The following ARHGEF4 variants were observed in gnomAD, a reference collection of about 807,000 sequenced individuals.
The protein encoded by ARHGEF4 is Rho guanine nucleotide exchange factor 4.
ARHGEF4 carries 119 observed loss-of-function variants against 162.0 expected under a neutral mutation model. That is an observed-to-expected ratio of 0.73 (90% confidence interval 0.63 to 0.86). ARHGEF4 has a LOEUF of 0.86. Ranked by LOEUF, ARHGEF4 falls within the 40% of genes least tolerant of loss-of-function variation. ARHGEF4 has a pLI of 0.00. For missense variants in ARHGEF4, 2,488 were observed against 2,456.0 expected, an observed-to-expected ratio of 1.01 and a Z score of -0.28; for synonymous variants, 1,014 against 979.9, an observed-to-expected ratio of 1.03 and a Z score of -0.65.
Position 130,914,491 on chromosome 2 carries a change from G to A in ARHGEF4, c.545G>A (p.Gly182Glu). ...SLLAGVPRHTGCCLQRATDSS... is the reference protein window; with the variant it reads ...SLLAGVPRHTECCLQRATDSS... ...CTGGCAGGGGTTCCCCGACACACAG[G>A]GTGCTGCTTACAGAGGGCCACAGAC... The change falls in exon 2 of 14, where the codon GGG becomes GAG. Residue 182 changes from glycine to glutamate, a missense_variant. Transcript: ENST00000409359. 5.6e-6 allele frequency: 8 copies of A among 1,432,500 alleles called. No homozygotes were observed. Among genetic ancestry groups the A allele is most frequent in the Non-Finnish European group, 7.3e-6 (8 of 1,099,150 alleles). The allele number at this position is 1,432,500 out of a possible 1,614,324, so 88.7% of individuals were successfully genotyped here.
intron 1 of ARHGEF4, among the ~76,000 whole-genome samples, chr2:130,903,040 A>G (rs945867123): frequency 2.0e-5 from 3 of 151,106 alleles, no homozygotes; most frequent in African/African-American, 7.3e-5. Context: ...TTTAGAACTC[A>G]TTCATCGAGG....
intron 6 of ARHGEF4, chr2:131,039,312 C>CACCCCTCT: frequency 2.4e-6 from 3 of 1,236,186 alleles, no homozygotes; most frequent in Non-Finnish European, 3.0e-6. Context: ...CAACTCCAGG[C>CACCCCTCT]GCTAGACATT....
intron 4 of ARHGEF4, among the ~76,000 whole-genome samples, chr2:130,975,525 C>A (rs1406701716): frequency 6.6e-6 from 1 of 152,130 alleles, no homozygotes; most frequent in African/African-American, 2.4e-5. Flanking sequence ...TTATTCAGAC[C>A]CAGCCCATCT....
chr2:130,933,214 CAA>C (rs34411956), intron 3 of ARHGEF4, among the ~76,000 whole-genome samples: 82,558 of 136,508 alleles, frequency 0.6, 27,164 homozygotes, highest in East Asian at 0.84. Context: ...GACCCTGTCT[CAA>C]AAAAAAAAAA....
chr2:130,998,958 C>T (rs13409247), intron 4 of ARHGEF4, among the ~76,000 whole-genome samples: 11,842 of 152,226 alleles, frequency 0.078, 556 homozygotes, highest in African/African-American at 0.12. Context: ...CCTGTTGTTC[C>T]ACATCCTCAT....
chr2:130,982,455 C>T (rs1686181162), intron 4 of ARHGEF4, among the ~76,000 whole-genome samples: 1 of 152,108 alleles, frequency 6.6e-6, no homozygotes, highest in Non-Finnish European at 1.5e-5. Flanking sequence ...TGAAGATAGA[C>T]ACACAGAGAA....
At chr2:130,986,912 G>C (rs939356998) in intron 4 of ARHGEF4, among the ~76,000 whole-genome samples, 1 of 152,198 alleles carries the variant, frequency 6.6e-6, no homozygotes, top group African/African-American at 2.4e-5. Context: ...AATCCTAGGT[G>C]GTTTGCACCA....
intron 1 of ARHGEF4, among the ~76,000 whole-genome samples, chr2:130,867,108 G>A (rs1252832763): frequency 2.0e-5 from 3 of 152,088 alleles, no homozygotes; most frequent in African/African-American, 7.2e-5. Flanking sequence ...GTACCCTTGT[G>A]TCTTTCAAGG....
chr2:130,855,524 A>C (rs778430009), intron 1 of ARHGEF4, among the ~76,000 whole-genome samples: 3 of 152,192 alleles, frequency 2.0e-5, no homozygotes, highest in South Asian at 2.1e-4. Flanking sequence ...CTTCAGCAAC[A>C]ATGTGTGACA....
intron 3 of ARHGEF4, among the ~76,000 whole-genome samples, chr2:130,937,857 T>C (rs966609128): frequency 5.9e-5 from 9 of 152,004 alleles, no homozygotes; most frequent in Non-Finnish European, 4.4e-5. Context: ...TTAGTAGAGA[T>C]GGGGTTTCAC....
chr2:130,958,883 G>C (rs1684456636), intron 4 of ARHGEF4, among the ~76,000 whole-genome samples: 1 of 151,960 alleles, frequency 6.6e-6, no homozygotes. Flanking sequence ...ATTTCAGTGA[G>C]AGTCTTAGAG....
intron 4 of ARHGEF4, among the ~76,000 whole-genome samples, chr2:130,985,756 TTG>T (rs1190564310): frequency 6.6e-6 from 1 of 151,840 alleles, no homozygotes; most frequent in African/African-American, 2.4e-5. Flanking sequence ...GTGGTGTGTG[TTG>T]TGTGTGTTTT....
At position 130,916,331 on chromosome 2, in the gene ARHGEF4, C is replaced by T; in HGVS notation, c.2385C>T (p.Ser795=). ...AGCCTGGGAAGCGCCCGACGTTTTC[C>T]AAGGTGACCTCCTTCAGGAAGGGCA... ...AQEPGKRPTF[S]KVTSFRKGRP... is the part of the protein sequence containing the mutation. Residue 795 remains serine (S), a synonymous_variant, in exon 2 of 14, where the codon TCC becomes TCT. Coordinates refer to ENST00000409359, the MANE Select transcript of ARHGEF4 (RefSeq NM_001367493.1). 1 of 1,543,220 alleles carries T rather than the reference C, an allele frequency of 6.5e-7. No homozygotes were observed. The highest frequency in any genetic ancestry group is 8.7e-7 in the Non-Finnish European group (1 of 1,145,230).
chr2:130,844,247 T>G (rs542390229), intron 1 of ARHGEF4, among the ~76,000 whole-genome samples: 1 of 152,300 alleles, frequency 6.6e-6, no homozygotes, highest in East Asian at 1.9e-4. Flanking sequence ...TTCTGCCAGT[T>G]ATAAGGTGGT....
At chr2:130,988,919 GAGAGAGAGAGAGAGAGAA>G (rs1686743731) in intron 4 of ARHGEF4, among the ~76,000 whole-genome samples, 1 of 150,124 alleles carries the variant, frequency 6.7e-6, no homozygotes, top group African/African-American at 2.5e-5. Context: ...GAGAGAGAGA[GAGAGAGAGAGAGAGAGAA>G]AGATTCCAAA....
chr2:130,913,773 C>G (rs1681333394), intron 1 of ARHGEF4, among the ~76,000 whole-genome samples: 1 of 152,220 alleles, frequency 6.6e-6, no homozygotes, highest in South Asian at 2.1e-4. Context: ...GATGTGCTGC[C>G]TTTTCTCCCT....
chr2:131,000,119 A>G (rs544228391), intron 4 of ARHGEF4, among the ~76,000 whole-genome samples: 2 of 152,400 alleles, frequency 1.3e-5, no homozygotes, highest in African/African-American at 2.4e-5. Flanking sequence ...ATAAAAAAGA[A>G]GAAAGTTCTT....
intron 1 of ARHGEF4, among the ~76,000 whole-genome samples, chr2:130,839,431 C>A (rs1029727687): frequency 1.3e-5 from 2 of 152,182 alleles, no homozygotes; most frequent in Admixed American, 1.3e-4. Context: ...CAGCTAGTCT[C>A]CACCAAGCCC....
At chr2:130,850,503 G>A (rs1324392209) in intron 1 of ARHGEF4, among the ~76,000 whole-genome samples, 2 of 152,326 alleles carry the variant, frequency 1.3e-5, no homozygotes, top group East Asian at 1.9e-4. Context: ...GCATCCAAAC[G>A]GCTGCTGCTC....
Sources: allele counts gnomAD v4.1 joint callset (sites outside exome capture counted in the v4.1 genomes callset), GRCh38; gene constraint gnomAD v4.1.1; transcripts MANE v1.5; gene names NCBI Gene and HGNC (gene_info 2026-07-23, HGNC 2026-07-21).